Variants in SYT14 observed in about 807,000 individuals in gnomAD.
SYT14 encodes the protein synaptotagmin 14.
A neutral mutation model predicts 74.2 loss-of-function variants in SYT14; 32 were observed. The ratio of observed to expected loss-of-function variants is 0.43; its 90% CI spans 0.33 to 0.58. The LOEUF is 0.58. SYT14 is among the 20% of genes least tolerant of loss of function. SYT14 has a pLI of 0.05. For synonymous variants in SYT14, 298 were observed against 337.7 expected (o/e 0.88, Z 1.29); for missense variants, 791 against 981.8 (o/e 0.81, Z 2.60).
chr1:210,128,376 CAAA>C (rs35998734), intron 7 of SYT14, among the ~76,000 whole-genome samples: 2 of 125,678 alleles, frequency 1.6e-5, no homozygotes, highest in Non-Finnish European at 1.7e-5. Context: ...GACCCTGTCT[CAAA>C]AAAAAAAAAA....
At chr1:209,965,828 T>G in intron 2 of SYT14, 2 of 432,602 alleles carry the variant, frequency 4.6e-6, no homozygotes, top group South Asian at 3.4e-5. Flanking sequence ...CCTTTATCCT[T>G]TTGTATCAAA....
rs561983572 is a variant in SYT14 at position 210,106,293 on chromosome 1, G to T, written c.2034+5832G>T. 2.0e-5 allele frequency among the ~76,000 whole-genome samples: 3 copies of T among 152,238 alleles called. No individual in the cohort carries two copies. The East Asian group carries it at 5.8e-4, about 29-fold the overall frequency. On this transcript the variant is annotated intron_variant, in intron 7 of 9. Coordinates refer to ENST00000637265, the Ensembl canonical transcript of SYT14. ...CAAAGACAGTCTTAGCCTACCCCCA[G>T]GGAATTCTGGAACTAAAATAGTCCC...
At chr1:210,133,574 G>C (rs1057058732) in intron 7 of SYT14, among the ~76,000 whole-genome samples, 3 of 152,182 alleles carry the variant, frequency 2.0e-5, no homozygotes, top group African/African-American at 7.2e-5. Context: ...GTGGTGTCCA[G>C]TGTATTAGTA....
chr1:210,041,677 C>T (rs1297817364), intron 5 of SYT14, among the ~76,000 whole-genome samples: 5 of 151,990 alleles, frequency 3.3e-5, no homozygotes, highest in Non-Finnish European at 5.9e-5. Context: ...TAGAAGAAAT[C>T]ATAAACTTAA....
intron 7 of SYT14, among the ~76,000 whole-genome samples, chr1:210,148,967 A>T (rs1271742359): frequency 6.6e-6 from 1 of 152,138 alleles, no homozygotes; most frequent in Admixed American, 6.5e-5. Flanking sequence ...TTCAGCAAAA[A>T]ATATACACAT....
At chr1:209,940,299 T>C (rs1383047903) in intron 1 of SYT14, among the ~76,000 whole-genome samples, 10 of 152,190 alleles carry the variant, frequency 6.6e-5, no homozygotes, top group Admixed American at 2.6e-4. Flanking sequence ...CAAAAGGGCG[T>C]CTCATCTTTT....
At chr1:210,022,497 C>G (rs1283124830) in intron 5 of SYT14, among the ~76,000 whole-genome samples, 2 of 152,180 alleles carry the variant, frequency 1.3e-5, no homozygotes, top group Non-Finnish European at 2.9e-5. Context: ...ATGTACACCC[C>G]TGGTACATGA....
chr1:210,069,104 G>C (rs1480047862), intron 5 of SYT14, among the ~76,000 whole-genome samples: 1 of 151,736 alleles, frequency 6.6e-6, no homozygotes, highest in Non-Finnish European at 1.5e-5. Flanking sequence ...TGAGTTCTAA[G>C]TTAAGTGTGT....
intron 5 of SYT14, among the ~76,000 whole-genome samples, chr1:210,040,284 A>C (rs1572199423): frequency 6.6e-6 from 1 of 152,008 alleles, no homozygotes; most frequent in South Asian, 2.1e-4. Flanking sequence ...AACCAAACAC[A>C]GCATGTTCTC....
chr1:210,137,741 C>G (rs796861039), intron 7 of SYT14, among the ~76,000 whole-genome samples: 10 of 146,034 alleles, frequency 6.8e-5, no homozygotes, highest in African/African-American at 2.0e-4. Flanking sequence ...AGTGCGGTGG[C>G]GCAATCTCAC....
At position 210,113,571 on chromosome 1, in the gene SYT14, G is replaced by A. The variant is rs565457241; in HGVS notation, c.2034+13110G>A. ...GTGGGATGGGATATTGGTGTTGAGC[G>A]GGGTAAGGGTGATTAGGTTTTAATG... On this transcript the variant is annotated intron_variant, in intron 7 of 9. Transcript: ENST00000637265. Among the ~76,000 whole-genome samples, 29 of 151,118 alleles carry A rather than the reference G, an allele frequency of 1.9e-4. 2 individuals carry two copies. Among genetic ancestry groups the A allele is most frequent in the South Asian group, 4.1e-4 (2 of 4,826 alleles).
intron 2 of SYT14, among the ~76,000 whole-genome samples, chr1:209,964,358 C>G (rs1385553700): frequency 2.6e-5 from 4 of 152,054 alleles, no homozygotes; most frequent in African/African-American, 9.7e-5. Flanking sequence ...TTGGGCAGTT[C>G]TTTATAGCAG....
intron 5 of SYT14, among the ~76,000 whole-genome samples, chr1:210,088,744 T>C (rs978069280): frequency 9.2e-5 from 14 of 151,962 alleles, no homozygotes; most frequent in African/African-American, 3.1e-4. Context: ...TGAAGTGGAT[T>C]CTTAGACCAT....
intron 5 of SYT14, among the ~76,000 whole-genome samples, chr1:210,034,725 G>A (rs563013625): frequency 2.0e-5 from 3 of 151,762 alleles, no homozygotes; most frequent in African/African-American, 7.3e-5. Context: ...GGATCATGCA[G>A]TATATGACTT....
At chr1:210,088,065 T>C (rs1281382338) in intron 5 of SYT14, among the ~76,000 whole-genome samples, 1 of 152,206 alleles carries the variant, frequency 6.6e-6, no homozygotes, top group Non-Finnish European at 1.5e-5. Flanking sequence ...TTATTCGTGT[T>C]TTCAGTGAAT....
rs1363820674 is a variant in SYT14 at position 209,963,437 on chromosome 1, T to A, written c.-486+10681T>A. Among the ~76,000 whole-genome samples the A allele has an allele frequency of 3.9e-5, 6 of 152,302 alleles. No homozygotes were observed. In the East Asian group the frequency reaches 1.2e-3, roughly 29 times the overall value. ...GGGAAATTTTCTTGTTTTATCAACC[T>A]ATTTCATTCTAAGACTTAGGCAGAG... On this transcript the variant is annotated intron_variant, in intron 2 of 9. Coordinates refer to ENST00000637265, the Ensembl canonical transcript of SYT14.
intron 5 of SYT14, among the ~76,000 whole-genome samples, chr1:210,083,230 G>A (rs1271112636): frequency 2.0e-5 from 3 of 152,096 alleles, no homozygotes; most frequent in African/African-American, 7.2e-5. Context: ...AACCTCAAGT[G>A]ATCCACCCAC....
intron 1 of SYT14, among the ~76,000 whole-genome samples, chr1:209,940,662 C>T (rs1401232331): frequency 6.6e-6 from 1 of 152,042 alleles, no homozygotes; most frequent in East Asian, 1.9e-4. Context: ...GTCTGTCTAC[C>T]CATCCTAGTT....
At chr1:210,096,432 A>G (rs2081967928) in intron 6 of SYT14, among the ~76,000 whole-genome samples, 1 of 152,190 alleles carries the variant, frequency 6.6e-6, no homozygotes, top group Non-Finnish European at 1.5e-5. Flanking sequence ...ATACAAAGCA[A>G]GAAGTAAGAG....
Sources: gnomAD v4.1 joint callset for allele counts (sites outside exome capture counted in the v4.1 genomes callset) on GRCh38, gnomAD v4.1.1 for gene constraint, MANE v1.5 for transcripts, NCBI Gene and HGNC (gene_info 2026-07-23, HGNC 2026-07-21) for gene names.